The following C2 variants were observed in gnomAD, a reference collection of about 807,000 sequenced individuals.
C2 encodes C3/C5 convertase.
A neutral mutation model predicts 85.2 loss-of-function variants in C2; 64 were observed. That is an observed-to-expected ratio of 0.75 (90% confidence interval 0.61 to 0.92). The LOEUF is 0.92. Ranked by LOEUF, C2 falls within the 40% of genes least tolerant of loss-of-function variation. C2 has a pLI of 0.00. For missense variants in C2, 820 were observed against 971.6 expected (o/e 0.84, Z 2.07); for synonymous variants, 311 against 370.8 (o/e 0.84, Z 1.85).
rs774754547 is a variant in C2, at chr6:31,943,832, G to A, written c.1733+23G>A. On this transcript the variant is annotated intron_variant, in intron 13 of 17. Transcript: ENST00000299367. This position sits in a 1 kb window ranked among gnomAD's most constrained non-coding sequence, Gnocchi z 6.4. ...CAGGTGCCTGGAGTCTGGGATGGGA[G>A]GGTGCCCTGCAGGGAAGAGTGCTCT... 2 of 1,612,852 alleles carry A rather than the reference G, an allele frequency of 1.2e-6. No homozygotes were observed. The highest frequency in any genetic ancestry group is 2.2e-5 in the East Asian group (1 of 44,882).
chr6:31,916,558 CAAA>C (rs9279453), upstream of C2, among the ~76,000 whole-genome samples: 9 of 81,076 alleles, frequency 1.1e-4, no homozygotes, highest in Non-Finnish European at 7.1e-5. Context: ...GACTCCGTCT[CAAA>C]AAAAAAAAAA....
upstream of C2, chr6:31,900,401 A>G (rs752745985): frequency 9.9e-6 from 14 of 1,410,448 alleles, no homozygotes; most frequent in South Asian, 1.7e-4. This position sits in a 1 kb window ranked among gnomAD's most constrained non-coding sequence, Gnocchi z 9.7. Flanking sequence ...CCGGGCAGCC[A>G]TGGCCACCGC....
At chr6:31,901,373 A>G (rs966843636) in intron 1 of C2, 3 of 1,499,406 alleles carry the variant, frequency 2.0e-6, no homozygotes, top group Admixed American at 2.1e-5. Context: ...TGGCTCTCCG[A>G]AGCCAAGGCT....
rs1414254244 is a variant in C2, at chr6:31,945,462, C to A, written c.*105C>A. 5.3e-6 allele frequency: 6 copies of A among 1,121,604 alleles called. No homozygotes were observed. The African/African-American group carries it at 6.1e-5, about 11-fold the overall frequency. 69.5% of individuals were successfully genotyped at this position (1,121,604 alleles called of 1,614,324 possible). A position where few individuals can be genotyped will look rare whatever the true frequency, so the allele number is the denominator to read the frequency against. On this transcript the variant is annotated 3_prime_UTR_variant, in exon 18 of 18. Transcript: ENST00000299367. This position sits in a 1 kb window ranked among gnomAD's most constrained non-coding sequence, Gnocchi z 5.3. ...CCCTGTGATCCATCCTCTCTCCTAG[C>A]TGAGTAAATCCGGGTCTCTAGGATG...
At position 31,920,313 on chromosome 6, in the gene C2, A is replaced by G. The variant is rs1340131960; in HGVS notation, c.-100+287A>G. Among the ~76,000 whole-genome samples, 2 of 152,178 alleles carry G rather than the reference A, an allele frequency of 1.3e-5. No homozygotes were observed. Among genetic ancestry groups the G allele is most frequent in the Admixed American group, 6.5e-5 (1 of 15,280 alleles). ...AGCCCCAGGCTATCCTTTTGTCAAG[A>G]GGGTACTGGTACCCAGAACTGGGAA... On this transcript the variant is annotated intron_variant, in intron 1 of 3. Transcript: ENST00000413154. This position sits in a 1 kb window ranked among gnomAD's most constrained non-coding sequence, Gnocchi z 5.6.
intron 5 of C2, 49 bp from the exon 6 acceptor site, chr6:31,934,117 C>T (rs977167060): frequency 2.2e-5 from 35 of 1,603,664 alleles, no homozygotes; most frequent in African/African-American, 4.0e-5. Context: ...TTGGCGAGAG[C>T]GCAGGAAGGA....
chr6:31,914,995 G>T (rs1039992051), upstream of C2, among the ~76,000 whole-genome samples: 1 of 152,162 alleles, frequency 6.6e-6, no homozygotes, highest in African/African-American at 2.4e-5. Context: ...GAGAGTCAGA[G>T]GAGGGCTCAG....
chr6:31,911,723 G>A (rs1190206869), intron 1 of C2, among the ~76,000 whole-genome samples: 7 of 150,682 alleles, frequency 4.6e-5, no homozygotes, highest in African/African-American at 1.5e-4. Context: ...TCCGCCTCCC[G>A]GGTTCAAGCA....
chr6:31,902,376 G>A (rs917353096), intron 1 of C2, among the ~76,000 whole-genome samples: 10 of 151,560 alleles, frequency 6.6e-5, no homozygotes, highest in African/African-American at 2.2e-4. Context: ...CCGCGTCCCC[G>A]CGCCCCGCCC....
At chr6:31,901,396 C>T (rs1767253989) in intron 1 of C2, 2 of 1,373,934 alleles carry the variant, frequency 1.5e-6, no homozygotes, top group Non-Finnish European at 1.9e-6. Context: ...AGGACCCTCG[C>T]CCCCATTCTT....
upstream of C2, among the ~76,000 whole-genome samples, chr6:31,924,794 G>C (rs1252947069): frequency 6.6e-6 from 1 of 152,124 alleles, no homozygotes; most frequent in Non-Finnish European, 1.5e-5. Context: ...CCATAGGAGG[G>C]CTTACAAAAT....
chr6:31,917,552 C>A (rs1768628230), upstream of C2, among the ~76,000 whole-genome samples: 1 of 151,982 alleles, frequency 6.6e-6, no homozygotes, highest in Admixed American at 6.6e-5. Flanking sequence ...GTGCAATATA[C>A]CCATGTAACA....
At position 31,944,821 on chromosome 6, in the gene C2, G is replaced by C. The variant is rs751105400; in HGVS notation, c.1997G>C (p.Ser666Thr). 2 of 1,613,090 alleles carry C rather than the reference G, an allele frequency of 1.2e-6. No individual in the cohort carries two copies. Among genetic ancestry groups the C allele is most frequent in the Admixed American group, 3.3e-5 (2 of 60,028 alleles). The change falls in exon 16 of 18, where the codon AGT becomes ACT. Residue 666 changes from serine to threonine, a missense_variant. Ser to Thr is a moderately conservative substitution (Grantham distance 58, BLOSUM62 1). Transcript: ENST00000299367. The surrounding 1 kb of genome is among the most constrained non-coding windows in gnomAD (Gnocchi z 5.1). Reference protein sequence around the residue: ...REVVTDQFLCSGTQEDESPCK... With the variant: ...REVVTDQFLCTGTQEDESPCK... The stretch of plus-strand genomic sequence containing the variant: ...GTGGTGACAGACCAGTTCCTATGCA[G>C]TGGGACCCAGGAGGATGAGAGTCCC...
chr6:31,927,769 T>C lies in C2; in HGVS notation c.17T>C (p.Val6Ala). 6.2e-7 allele frequency: 1 copy of C among 1,613,530 alleles called. No individual in the cohort carries two copies. The highest frequency in any genetic ancestry group is 8.5e-7 in the Non-Finnish European group (1 of 1,179,994). ...GAGGACACCATGGGCCCACTGATGGTTCTTTTTTGCCTGCTGTTCCTGTAC... is the reference window on the plus strand; with the variant it reads ...GAGGACACCATGGGCCCACTGATGGCTCTTTTTTGCCTGCTGTTCCTGTAC... MGPLM[V>A]LFCLLFLYPG... is the part of the protein sequence containing the mutation. Residue 6 changes from valine (V) to alanine (A), a missense_variant, in exon 1 of 18, where the codon GTT (valine) becomes GCT (alanine). Physicochemically the swap from Val to Ala is moderately conservative, Grantham distance 64. Transcript: ENST00000299367. This position sits in a 1 kb window ranked among gnomAD's most constrained non-coding sequence, Gnocchi z 4.7.
intron 1 of C2, among the ~76,000 whole-genome samples, chr6:31,909,978 T>C (rs561778439): frequency 6.6e-6 from 1 of 151,886 alleles, no homozygotes; most frequent in African/African-American, 2.4e-5. Context: ...CCTCCCGGGT[T>C]CAAGGGATTC....
intron 1 of C2, among the ~76,000 whole-genome samples, chr6:31,913,444 C>G (rs1768262402): frequency 6.6e-6 from 1 of 152,076 alleles, no homozygotes; most frequent in South Asian, 2.1e-4. Context: ...GGTGTGGTGG[C>G]AGGCACCTGT....
chr6:31,945,591 C>G lies in C2; in HGVS notation c.*234C>G. The G allele has an allele frequency of 3.4e-6, 2 of 593,882 alleles. No individual in the cohort carries two copies. The highest frequency in any genetic ancestry group is 2.0e-5 in the South Asian group (1 of 48,986). 36.8% of individuals were successfully genotyped at this position (593,882 alleles called of 1,614,324 possible). On this transcript the variant is annotated 3_prime_UTR_variant, in exon 18 of 18. Coordinates refer to ENST00000299367, the MANE Select transcript of C2 (RefSeq NM_000063.6). The surrounding 1 kb of genome is among the most constrained non-coding windows in gnomAD (Gnocchi z 5.3). ...CTTGGCCTGTCCCCAGATTCCTTCC[C>G]TGGTTGACTTGACTCATGCTTGTTT...
chr6:31,934,051 G>C, intron 5 of C2, 86 bp downstream of exon 5: 1 of 1,554,556 alleles, frequency 6.4e-7, no homozygotes, highest in Non-Finnish European at 8.9e-7. Context: ...CTGGAGGCCA[G>C]GAGCCTTGGT....
In C2 at chr6:31,944,941, C is replaced by T; in HGVS notation, c.2030-39C>T. On this transcript the variant is annotated intron_variant, in intron 16 of 17. Transcript: ENST00000299367. The surrounding 1 kb of genome is among the most constrained non-coding windows in gnomAD (Gnocchi z 5.1). ...TGCATGCCAGAACACCAGTCCACTG[C>T]CCTAGATGACACTGTCTCCTGTCAC... 6.2e-7 allele frequency: 1 copy of T among 1,612,802 alleles called. No homozygotes were observed. The highest frequency in any genetic ancestry group is 8.5e-7 in the Non-Finnish European group (1 of 1,179,796).
Sources: gnomAD v4.1 joint callset for allele counts (sites outside exome capture counted in the v4.1 genomes callset) on GRCh38, gnomAD v4.1.1 for gene constraint, Gnocchi (gnomAD v3.1) non-coding constraint, MANE v1.5 for transcripts, NCBI Gene and HGNC (gene_info 2026-07-23, HGNC 2026-07-21) for gene names.